Variants in TENM3 observed in about 807,000 individuals in gnomAD.
The protein encoded by TENM3 is teneurin transmembrane protein 3.
In TENM3, 63 loss-of-function variants were observed where a neutral mutation model predicts 255.1. That is an observed-to-expected ratio of 0.25 (90% confidence interval 0.20 to 0.30). The LOEUF is 0.30. Ranked by LOEUF, TENM3 falls within the 10% of genes least tolerant of loss-of-function variation. The pLI, the probability that TENM3 is intolerant of heterozygous loss-of-function variation, is 1.00. For synonymous variants in TENM3, 1,306 were observed against 1,322.3 expected, an observed-to-expected ratio of 0.99 and a Z score of 0.27; for missense variants, 2,929 against 3,461.1, an observed-to-expected ratio of 0.85 and a Z score of 3.86.
At chr4:181,542,800 A>T in the TENM3 span, among the ~76,000 whole-genome samples, 1 of 152,186 alleles carries the variant, frequency 6.6e-6, no homozygotes, top group Non-Finnish European at 1.5e-5. Flanking sequence ...TTTCATAGTG[A>T]ATTTCAAATA....
chr4:181,977,948 C>G, the TENM3 span, among the ~76,000 whole-genome samples: 11 of 152,110 alleles, frequency 7.2e-5, no homozygotes, highest in African/African-American at 2.4e-4. Flanking sequence ...ATAGCAAAGT[C>G]AAGGAGAGTG....
chr4:182,459,618 A>G (rs1054700021), intron 3 of TENM3, among the ~76,000 whole-genome samples: 1 of 152,194 alleles, frequency 6.6e-6, no homozygotes, highest in Non-Finnish European at 1.5e-5. Context: ...TACATTTCAT[A>G]CAAAGGCAAA....
chr4:182,160,769 G>A (rs1260210425), intron 1 of TENM3, among the ~76,000 whole-genome samples: 1 of 152,092 alleles, frequency 6.6e-6, no homozygotes, highest in African/African-American at 2.4e-5. Context: ...TGCACAGCAA[G>A]GTGACTGTAA....
the TENM3 span, chr4:181,874,295 A>G: frequency 5.3e-5 from 8 of 152,116 alleles, no homozygotes; most frequent in African/African-American, 1.9e-4. Context: ...TTTTTTATCT[A>G]CTTATTCTAC....
At chr4:181,488,284 TG>T in the TENM3 span, among the ~76,000 whole-genome samples, 1 of 152,236 alleles carries the variant, frequency 6.6e-6, no homozygotes, top group African/African-American at 2.4e-5. Context: ...GTGGAAGAGA[TG>T]GTGATTTTCA....
At chr4:181,757,733 G>A in the TENM3 span, among the ~76,000 whole-genome samples, 3 of 152,098 alleles carry the variant, frequency 2.0e-5, no homozygotes, top group African/African-American at 7.2e-5. Context: ...ACCCATACTT[G>A]TGTGCCCAAA....
chr4:182,316,994 T>G (rs1232738952), intron 1 of TENM3, among the ~76,000 whole-genome samples: 1 of 152,348 alleles, frequency 6.6e-6, no homozygotes, highest in Non-Finnish European at 1.5e-5. Flanking sequence ...CACTGACTGA[T>G]GTCAATGGCT....
At chr4:182,051,859 C>A in the TENM3 span, among the ~76,000 whole-genome samples, 1 of 152,092 alleles carries the variant, frequency 6.6e-6, no homozygotes, top group African/African-American at 2.4e-5. Flanking sequence ...AATTGAATTA[C>A]CTTCTCAGAA....
intron 3 of TENM3, among the ~76,000 whole-genome samples, chr4:182,387,394 T>A (rs999890687): frequency 6.6e-6 from 1 of 152,150 alleles, no homozygotes; most frequent in Non-Finnish European, 1.5e-5. Context: ...AACTTTTGTA[T>A]CTAGCTCAGG....
chr4:182,352,662 C>G (rs777312400), intron 3 of TENM3, among the ~76,000 whole-genome samples: 5 of 152,074 alleles, frequency 3.3e-5, no homozygotes, highest in Non-Finnish European at 5.9e-5. Flanking sequence ...CTTTGCACAG[C>G]TGAAACACTT....
chr4:182,324,096 T>A lies in TENM3; in HGVS notation c.76T>A (p.Ser26Thr). The stretch of plus-strand genomic sequence containing the variant: ...AGAGAAGGAACGGCGCTACACAAAT[T>A]CCTCCGCAGACAATGAGGAGTGCCG... ...RREKERRYTNSSADNEECRVP... is the reference protein window; with the variant it reads ...RREKERRYTNTSADNEECRVP... Residue 26 changes from serine to threonine, a missense_variant, in exon 2 of 28, where the codon TCC (serine) becomes ACC (threonine). Coordinates refer to ENST00000511685, the MANE Select transcript of TENM3 (RefSeq NM_001080477.4). 6.2e-7 allele frequency: 1 copy of A among 1,613,890 alleles called. No individual in the cohort carries two copies. Among genetic ancestry groups the A allele is most frequent in the Non-Finnish European group, 8.5e-7 (1 of 1,179,880 alleles).
intron 3 of TENM3, among the ~76,000 whole-genome samples, chr4:182,596,276 C>T (rs2152400350): frequency 6.6e-6 from 1 of 152,334 alleles, no homozygotes; most frequent in Non-Finnish European, 1.5e-5. Flanking sequence ...TCATTGAATT[C>T]TTCACAAATA....
chr4:182,460,016 AAG>A (rs1491557918), intron 3 of TENM3, among the ~76,000 whole-genome samples: 4 of 152,182 alleles, frequency 2.6e-5, no homozygotes, highest in African/African-American at 9.6e-5. Context: ...AATTAGCAAT[AAG>A]GGGATGTCTC....
the TENM3 span, among the ~76,000 whole-genome samples, chr4:181,736,892 CG>C: frequency 0.031 from 4,734 of 152,036 alleles, 115 homozygotes; most frequent in Non-Finnish European, 0.045. Flanking sequence ...GTCCTGAAGC[CG>C]CCATCTTGGC....
At chr4:182,181,764 C>T (rs961621010) in intron 1 of TENM3, among the ~76,000 whole-genome samples, 1 of 152,142 alleles carries the variant, frequency 6.6e-6, no homozygotes, top group African/African-American at 2.4e-5. Flanking sequence ...TATTTATCTT[C>T]AGCATTGCTT....
At chr4:182,223,538 T>C (rs1755965588) in intron 1 of TENM3, among the ~76,000 whole-genome samples, 1 of 152,170 alleles carries the variant, frequency 6.6e-6, no homozygotes, top group Non-Finnish European at 1.5e-5. Context: ...TTACAGTTTA[T>C]AACATGTTTT....
At chr4:182,639,786 C>G (rs1252185025) in intron 5 of TENM3, among the ~76,000 whole-genome samples, 1 of 152,128 alleles carries the variant, frequency 6.6e-6, no homozygotes, top group African/African-American at 2.4e-5. Context: ...TTTAACATCT[C>G]TTTTACAAAT....
intron 3 of TENM3, among the ~76,000 whole-genome samples, chr4:182,438,577 C>T (rs768188233): frequency 2.0e-5 from 3 of 152,062 alleles, no homozygotes; most frequent in Non-Finnish European, 2.9e-5. Context: ...CCTTATGAAA[C>T]CCTGCCAGAA....
At chr4:182,129,097 G>A in the TENM3 span, among the ~76,000 whole-genome samples, 6 of 152,202 alleles carry the variant, frequency 3.9e-5, no homozygotes, top group Non-Finnish European at 5.9e-5. Flanking sequence ...ACATCCTGAA[G>A]CAACAGACAG....
Sources: allele counts gnomAD v4.1 joint callset (sites outside exome capture counted in the v4.1 genomes callset), GRCh38; gene constraint gnomAD v4.1.1; transcripts MANE v1.5; gene names NCBI Gene and HGNC (gene_info 2026-07-23, HGNC 2026-07-21).